The following COL6A3 variants were observed in gnomAD, a reference collection of about 807,000 sequenced individuals.
The protein encoded by COL6A3 is collagen alpha-3(VI) chain.
COL6A3 carries 137 observed loss-of-function variants against 274.1 expected under a neutral mutation model. The observed-to-expected ratio is 0.50, with a 90% CI of 0.44 to 0.58. COL6A3 has a LOEUF of 0.58. COL6A3 is among the 20% of genes least tolerant of loss of function. The pLI is 0.00. For missense variants in COL6A3, 3,950 were observed against 4,124.9 expected, an observed-to-expected ratio of 0.96 and a Z score of 1.16; for synonymous variants, 1,650 against 1,650.6, an observed-to-expected ratio of 1.00 and a Z score of 0.01.
chr2:237,357,046 A>T, intron 23 of COL6A3: 2 of 494,004 alleles, frequency 4.0e-6, no homozygotes, highest in Non-Finnish European at 7.3e-6. Flanking sequence ...TGGGTCTCTT[A>T]AATATTTAGT....
In COL6A3 at chr2:237,377,057, C is replaced by A. The variant is rs766702756; in HGVS notation, c.2785G>T (p.Val929Leu). 1 of 1,614,230 alleles carries A rather than the reference C, an allele frequency of 6.2e-7. No homozygotes were observed. Among genetic ancestry groups the A allele is most frequent in the Non-Finnish European group, 8.5e-7 (1 of 1,180,054 alleles). The change falls in exon 7 of 44, where the codon GTG becomes TTG. Residue 929 changes from valine to leucine, a missense_variant. Val to Leu is a conservative substitution (Grantham distance 32). Transcript: ENST00000295550. The part of the protein sequence containing the change: ...ALDYAQRYIF[V>L]KSAGSRIEDG... Reference sequence around the variant, plus strand: ...TCGATCCGGCTGCCAGCAGACTTCACAAAAATGTACCTCTGTGCATAGTCC... The same window carrying A: ...TCGATCCGGCTGCCAGCAGACTTCAAAAAAATGTACCTCTGTGCATAGTCC...
At chr2:237,412,510 T>C (rs1045566032) in intron 1 of COL6A3, among the ~76,000 whole-genome samples, 4 of 152,210 alleles carry the variant, frequency 2.6e-5, no homozygotes, top group Non-Finnish European at 5.9e-5. Context: ...TCAGAGCCCC[T>C]GGTTGCTCAT....
intron 28 of COL6A3, among the ~76,000 whole-genome samples, chr2:237,348,963 C>T (rs1012463041): frequency 2.0e-5 from 3 of 152,170 alleles, no homozygotes; most frequent in East Asian, 1.9e-4. Context: ...ATCAAAGACT[C>T]GTCAACCCCA....
intron 42 of COL6A3, chr2:237,327,649 G>A (rs1474656178): frequency 1.3e-5 from 2 of 152,154 alleles, no homozygotes; most frequent in Non-Finnish European, 2.9e-5. Context: ...TTAGTGAGGT[G>A]AGAACCCGGC....
intron 39 of COL6A3, 75 bp downstream of exon 39, chr2:237,338,940 G>A (rs757366616): frequency 2.6e-6 from 3 of 1,141,632 alleles, no homozygotes; most frequent in Non-Finnish European, 2.6e-6. Flanking sequence ...ATCCCATAAA[G>A]TCAGGAGGTG....
intron 1 of COL6A3, among the ~76,000 whole-genome samples, chr2:237,403,607 C>A (rs1250045646): frequency 6.6e-6 from 1 of 152,126 alleles, no homozygotes; most frequent in Non-Finnish European, 1.5e-5. Flanking sequence ...GGCAGTATTG[C>A]AAAAGCTCAG....
At chr2:237,398,310 C>T (rs931037581) in intron 1 of COL6A3, among the ~76,000 whole-genome samples, 4 of 152,208 alleles carry the variant, frequency 2.6e-5, no homozygotes, top group South Asian at 2.1e-4. Context: ...CTCTGGGGGC[C>T]GCACACATGA....
rs2078593571 is a variant in COL6A3, at chr2:237,401,684, A to G, written c.-30-4837T>C. On this transcript the variant is annotated intron_variant, in intron 1 of 43. Transcript: ENST00000295550. Reference sequence around the variant, plus strand: ...TTTGCACTGTTATTACACCACTTATACTGTAATTTTTTTTTTTTGAGACAG... The same window carrying G: ...TTTGCACTGTTATTACACCACTTATGCTGTAATTTTTTTTTTTTGAGACAG... Among the ~76,000 whole-genome samples the G allele has an allele frequency of 1.4e-5, 2 of 145,158 alleles. 1 individual carries two copies. The highest frequency in any genetic ancestry group is 5.0e-5 in the African/African-American group (2 of 40,120).
intron 1 of COL6A3, among the ~76,000 whole-genome samples, chr2:237,406,635 C>T (rs1272388917): frequency 6.6e-6 from 1 of 151,240 alleles, no homozygotes; most frequent in Admixed American, 6.6e-5. Flanking sequence ...CTCTTTTTCT[C>T]ACTCTTTCTC....
Position 237,333,471 on chromosome 2 carries a change from G to A in COL6A3, c.9307C>T (p.Pro3103Ser). 6.2e-7 allele frequency: 1 copy of A among 1,614,160 alleles called. No homozygotes were observed. Residue 3103 changes from proline (P) to serine (S), a missense_variant, in exon 42 of 44, where the codon CCA (proline) becomes TCA (serine). Coordinates refer to ENST00000295550, the MANE Select transcript of COL6A3 (RefSeq NM_004369.4). ...TCACCTGTTTCAGTGAGAGCCAATG[G>A]TTCTGTGCTCACCATTAGATTGATG... Reference protein sequence around the residue: ...STINLMVSTEPLALTETDICK... With the variant: ...STINLMVSTESLALTETDICK...
At chr2:237,402,219 C>T (rs2078608979) in intron 1 of COL6A3, among the ~76,000 whole-genome samples, 1 of 152,068 alleles carries the variant, frequency 6.6e-6, no homozygotes, top group African/African-American at 2.4e-5. Flanking sequence ...TGGCCATGGG[C>T]TGTCAGGAGG....
chr2:237,386,269 T>A (rs1574736523), intron 4 of COL6A3, among the ~76,000 whole-genome samples: 1 of 152,376 alleles, frequency 6.6e-6, no homozygotes, highest in East Asian at 1.9e-4. Context: ...GGTCAGCTCC[T>A]TAAATAAATA....
intron 26 of COL6A3, among the ~76,000 whole-genome samples, 169 bp downstream of exon 26, chr2:237,352,353 G>A (rs1574963069): frequency 6.6e-6 from 1 of 152,204 alleles, no homozygotes; most frequent in Admixed American, 6.5e-5. Context: ...TTGGGGTGAA[G>A]TAGCCAGTCA....
At chr2:237,409,533 T>TTTTGTTTG (rs57264738) in intron 1 of COL6A3, among the ~76,000 whole-genome samples, 7 of 151,904 alleles carry the variant, frequency 4.6e-5, no homozygotes, top group African/African-American at 1.7e-4. Flanking sequence ...TTTTTGTTTT[T>TTTTGTTTG]TTTGTTTGTT....
intron 5 of COL6A3, 89 bp from the exon 6 acceptor site, chr2:237,379,324 C>A (rs1292858355): frequency 6.8e-7 from 1 of 1,472,514 alleles, no homozygotes; most frequent in Non-Finnish European, 9.5e-7. Flanking sequence ...CACATGCCAA[C>A]ATTTAGAACA....
At chr2:237,366,584 C>CA in intron 11 of COL6A3, 103 bp downstream of exon 11, 1 of 1,577,808 alleles carries the variant, frequency 6.3e-7, no homozygotes, top group South Asian at 1.1e-5. Flanking sequence ...ATGAAGCAAC[C>CA]AAATGCCTAA....
At position 237,324,296 on chromosome 2, in the gene COL6A3, T is replaced by C. The variant is rs1699819187; in HGVS notation, c.*478A>G. ...TTAGCTTGAAATCTAGTCTGGGAAA[T>C]TGGGGGCAGGGAATGAAAAAGTTGG... On this transcript the variant is annotated 3_prime_UTR_variant, in exon 44 of 44. Transcript: ENST00000295550. 1 of 158,396 alleles carries C rather than the reference T, an allele frequency of 6.3e-6. No individual in the cohort carries two copies. Among genetic ancestry groups the C allele is most frequent in the Admixed American group, 6.0e-5 (1 of 16,538 alleles). 9.8% of individuals were successfully genotyped at this position (158,396 alleles called of 1,614,324 possible).
intron 1 of COL6A3, among the ~76,000 whole-genome samples, chr2:237,403,823 AC>A (rs142186189): frequency 0.013 from 1,970 of 151,610 alleles, 52 homozygotes; most frequent in African/African-American, 0.044. Context: ...CCCTACCCCC[AC>A]CGTGCCACAG....
At chr2:237,348,568 C>T in intron 29 of COL6A3, 45 bp downstream of exon 29, 1 of 1,593,378 alleles carries the variant, frequency 6.3e-7, no homozygotes, top group Admixed American at 1.7e-5. Context: ...TCCTTGGAGC[C>T]TCCTGGCAGC....
Sources: gnomAD v4.1 joint callset for allele counts (sites outside exome capture counted in the v4.1 genomes callset) on GRCh38, gnomAD v4.1.1 for gene constraint, MANE v1.5 for transcripts, NCBI Gene and HGNC (gene_info 2026-07-23, HGNC 2026-07-21) for gene names.